Variants in PRKAR1B observed in about 807,000 individuals in gnomAD.
The protein encoded by PRKAR1B is protein kinase cAMP-dependent type I regulatory subunit beta.
Under a neutral mutation model 46.5 loss-of-function variants are expected in PRKAR1B, and 22 were observed. That is an observed-to-expected ratio of 0.47 (90% CI 0.34 to 0.68). The LOEUF (loss-of-function observed/expected upper bound fraction) is 0.68. Among genes scored for constraint, PRKAR1B ranks in the 30% least tolerant of loss-of-function variants. The pLI is 0.01. For synonymous variants in PRKAR1B, 259 were observed against 217.7 expected (o/e 1.19, Z -1.67); for missense variants, 445 against 535.6 (o/e 0.83, Z 1.67).
chr7:570,416 G>A (rs770956905), intron 9 of PRKAR1B, among the ~76,000 whole-genome samples: 1 of 152,160 alleles, frequency 6.6e-6, no homozygotes, highest in African/African-American at 2.4e-5. Context: ...TTGCAGCTCC[G>A]CTCTTGCGTA....
At chr7:558,945 C>G (rs903743425) in intron 9 of PRKAR1B, among the ~76,000 whole-genome samples, 1 of 152,154 alleles carries the variant, frequency 6.6e-6, no homozygotes, top group African/African-American at 2.4e-5. Context: ...CCCTTTGGGT[C>G]CAGTGCTCCA....
chr7:701,993 T>A (rs1462813721), intron 2 of PRKAR1B, among the ~76,000 whole-genome samples: 1 of 152,158 alleles, frequency 6.6e-6, no homozygotes, highest in African/African-American at 2.4e-5. Context: ...CCTCTTAAAT[T>A]ACTGAAAATA....
intron 4 of PRKAR1B, among the ~76,000 whole-genome samples, chr7:612,487 G>T (rs1752100437): frequency 1.3e-5 from 2 of 150,266 alleles, no homozygotes; most frequent in African/African-American, 4.9e-5. Context: ...TGTAAGGATG[G>T]ATGATAGATG....
intron 8 of PRKAR1B, among the ~76,000 whole-genome samples, chr7:583,657 T>C (rs1780413979): frequency 9.3e-6 from 1 of 106,966 alleles, no homozygotes; most frequent in Non-Finnish European, 1.9e-5. Context: ...TGCACACCCA[T>C]GCGCACACAC....
intron 2 of PRKAR1B, among the ~76,000 whole-genome samples, chr7:681,435 A>C (rs1414066797): frequency 6.6e-6 from 1 of 152,220 alleles, no homozygotes; most frequent in East Asian, 1.9e-4. Flanking sequence ...ATTAAAAAAT[A>C]AAGTGGGTGA....
At position 692,692 on chromosome 7, in the gene PRKAR1B, C is replaced by A. The variant is rs192217346; in HGVS notation, c.178-11966G>T. ...CAGAAACCTCAGGCCAAACTGCGCT[C>A]ATACCAGAGTAATTTTTCAGCAGTT... is the stretch of plus-strand genomic sequence containing the variant. On this transcript the variant is annotated intron_variant, in intron 2 of 10. Coordinates refer to ENST00000537384, the MANE Select transcript of PRKAR1B (RefSeq NM_001164760.2). Among the ~76,000 whole-genome samples the A allele has an allele frequency of 1.5e-4, 23 of 152,286 alleles. No individual in the cohort carries two copies. In the East Asian group the frequency reaches 3.5e-3, roughly 23 times the overall value.
intron 1 of PRKAR1B, among the ~76,000 whole-genome samples, chr7:719,806 A>C (rs1218691256): frequency 1.3e-5 from 2 of 152,160 alleles, no homozygotes; most frequent in African/African-American, 2.4e-5. Context: ...CCCTAGCCCC[A>C]GGAGATCAGT....
At chr7:621,479 A>G (rs1010716146) in intron 4 of PRKAR1B, among the ~76,000 whole-genome samples, 6 of 152,252 alleles carry the variant, frequency 3.9e-5, no homozygotes, top group Non-Finnish European at 5.9e-5. Flanking sequence ...GTACTCCCAA[A>G]GCAAGAATTC....
upstream of PRKAR1B, among the ~76,000 whole-genome samples, chr7:728,341 A>G (rs1322602076): frequency 6.6e-6 from 1 of 152,216 alleles, no homozygotes; most frequent in East Asian, 1.9e-4. Context: ...AGGCCGTCCC[A>G]GTGATGTCCC....
chr7:718,396 A>G (rs1281613151), intron 1 of PRKAR1B, among the ~76,000 whole-genome samples: 2 of 140,940 alleles, frequency 1.4e-5, no homozygotes, highest in Non-Finnish European at 3.0e-5. Flanking sequence ...TTGCTCTGTC[A>G]CCCAGGATGG....
At chr7:599,145 G>A (rs534008095) in intron 6 of PRKAR1B, among the ~76,000 whole-genome samples, 10 of 152,278 alleles carry the variant, frequency 6.6e-5, no homozygotes, top group South Asian at 2.1e-4. Flanking sequence ...TCCCACAGAC[G>A]GCCAGGGCCA....
At chr7:620,474 G>A (rs894030119) in intron 4 of PRKAR1B, among the ~76,000 whole-genome samples, 3 of 151,990 alleles carry the variant, frequency 2.0e-5, no homozygotes, top group Non-Finnish European at 1.5e-5. Context: ...CTCATTCCCT[G>A]CACCCACCCA....
rs147622765 is a variant in PRKAR1B at position 691,121 on chromosome 7, G to T, written c.178-10395C>A. On this transcript the variant is annotated intron_variant, in intron 2 of 10. Transcript: ENST00000537384. ...AAGGGTCCCACGCCCACCCACACTGGCCAGTCCGCTGCAAATCCTACCCGA... is the reference window on the plus strand; with the variant it reads ...AAGGGTCCCACGCCCACCCACACTGTCCAGTCCGCTGCAAATCCTACCCGA... Among the ~76,000 whole-genome samples the T allele has an allele frequency of 6.9e-3, 975 of 140,308 alleles. 26 individuals carry two copies. The highest frequency in any genetic ancestry group is 0.026 in the African/African-American group (872 of 34,178). The allele number at this position is 140,308 out of a possible 152,430, so 92.0% of individuals were successfully genotyped here. A position where few individuals can be genotyped will look rare whatever the true frequency, so the allele number is the denominator to read the frequency against.
At chr7:583,308 G>T (rs111938234) in intron 8 of PRKAR1B, among the ~76,000 whole-genome samples, 1 of 152,206 alleles carries the variant, frequency 6.6e-6, no homozygotes, top group African/African-American at 2.4e-5. Flanking sequence ...TCCTCCCCAA[G>T]AAGGAACACA....
intron 3 of PRKAR1B, among the ~76,000 whole-genome samples, chr7:680,148 ACT>A (rs1359695958): frequency 6.6e-5 from 9 of 135,636 alleles, no homozygotes; most frequent in Non-Finnish European, 1.2e-4. Flanking sequence ...ACGGAGCAAG[ACT>A]CTGTTTCAAA....
intron 4 of PRKAR1B, among the ~76,000 whole-genome samples, chr7:634,643 G>GT (rs545415569): frequency 0.089 from 12,637 of 142,434 alleles, 591 homozygotes; most frequent in African/African-American, 0.13. Context: ...GCAACTTACT[G>GT]TTTTTTTTTT....
At chr7:643,144 AG>A (rs1426179787) in intron 4 of PRKAR1B, among the ~76,000 whole-genome samples, 1 of 151,702 alleles carries the variant, frequency 6.6e-6, no homozygotes, top group Non-Finnish European at 1.5e-5. Context: ...ATTGCAAAAG[AG>A]AAAGACAACA....
In PRKAR1B at chr7:560,132, G is replaced by A. The variant is rs977079510; in HGVS notation, c.892-8662C>T. On this transcript the variant is annotated intron_variant, in intron 9 of 10. Transcript: ENST00000537384. The surrounding 1 kb of genome is among the most constrained non-coding windows in gnomAD (Gnocchi z 4.2). The stretch of plus-strand genomic sequence containing the variant: ...GTGTTGTGGGAGGGACCCAGGGGGC[G>A]GTAACTGAATCATGGCATGGGGTGA... 3.3e-5 allele frequency among the ~76,000 whole-genome samples: 5 copies of A among 152,180 alleles called. No homozygotes were observed. The highest frequency in any genetic ancestry group is 6.5e-5 in the Admixed American group (1 of 15,286).
chr7:685,295 CATAT>C (rs67804061), intron 2 of PRKAR1B, among the ~76,000 whole-genome samples: 1 of 12,228 alleles, frequency 8.2e-5, no homozygotes, highest in African/African-American at 3.5e-4. Context: ...TATATGTATA[CATAT>C]ATATATACGT....
Sources: allele counts gnomAD v4.1 joint callset (sites outside exome capture counted in the v4.1 genomes callset), GRCh38; gene constraint gnomAD v4.1.1; non-coding constraint Gnocchi (gnomAD v3.1); transcripts MANE v1.5; gene names NCBI Gene and HGNC (gene_info 2026-07-23, HGNC 2026-07-21).